The following XPNPEP1 variants were observed in gnomAD, a reference collection of about 807,000 sequenced individuals.
The protein encoded by XPNPEP1 is X-prolyl aminopeptidase 1.
Under a neutral mutation model 92.4 loss-of-function variants are expected in XPNPEP1, and 39 were observed. The ratio of observed to expected loss-of-function variants is 0.42; its 90% CI spans 0.33 to 0.55. XPNPEP1 has a LOEUF of 0.55. XPNPEP1 is among the 20% of genes least tolerant of loss of function. The pLI, the probability that XPNPEP1 is intolerant of heterozygous loss-of-function variation, is 0.08. For synonymous variants in XPNPEP1, 307 were observed against 299.4 expected (o/e 1.03, Z -0.26); for missense variants, 654 against 856.1 (o/e 0.76, Z 2.95).
intron 3 of XPNPEP1, chr10:109,894,192 T>C (rs554109270): frequency 6.6e-6 from 1 of 152,306 alleles, no homozygotes; most frequent in South Asian, 2.1e-4. Flanking sequence ...CAACATGATG[T>C]AGGGGGAAAA....
intron 3 of XPNPEP1, among the ~76,000 whole-genome samples, chr10:109,900,125 G>A (rs1849203789): frequency 6.6e-6 from 1 of 152,198 alleles, no homozygotes; most frequent in Admixed American, 6.5e-5. Context: ...AAGTCCTTGC[G>A]TAATTATGCA....
chr10:109,893,708 G>T (rs1310766898), intron 3 of XPNPEP1, among the ~76,000 whole-genome samples: 1 of 152,208 alleles, frequency 6.6e-6, no homozygotes, highest in African/African-American at 2.4e-5. Context: ...AGGGGTTAGG[G>T]AGTGAAGAAA....
chr10:109,879,247 TA>T (rs572480777), intron 12 of XPNPEP1, among the ~76,000 whole-genome samples: 7 of 130,598 alleles, frequency 5.4e-5, no homozygotes, highest in Admixed American at 1.6e-4. Context: ...GTCTCAAAAA[TA>T]AAAAAAAATA....
intron 6 of XPNPEP1, 150 bp from the exon 7 acceptor site, chr10:109,888,342 C>T: frequency 7.7e-7 from 1 of 1,298,750 alleles, no homozygotes; most frequent in Non-Finnish European, 1.0e-6. Context: ...AAAAGCACAT[C>T]TTCACCACCA....
At chr10:109,906,028 C>G (rs1293246767) in intron 3 of XPNPEP1, among the ~76,000 whole-genome samples, 2 of 152,202 alleles carry the variant, frequency 1.3e-5, no homozygotes, top group African/African-American at 4.8e-5. Flanking sequence ...TTGTCGCAAC[C>G]ATGTAGACCA....
At chr10:109,886,169 G>C (rs1335491702) in intron 8 of XPNPEP1, 77 bp downstream of exon 8, 1 of 1,451,788 alleles carries the variant, frequency 6.9e-7, no homozygotes, top group African/African-American at 1.4e-5. Context: ...AAGTTGAATG[G>C]CATGAACACA....
chr10:109,885,392 TC>T (rs2133415621), intron 8 of XPNPEP1, among the ~76,000 whole-genome samples: 1 of 152,358 alleles, frequency 6.6e-6, no homozygotes, highest in African/African-American at 2.4e-5. Flanking sequence ...ATTTTTTTTT[TC>T]TTCTTTTTAC....
At chr10:109,917,371 G>T (rs1253077088) in intron 1 of XPNPEP1, among the ~76,000 whole-genome samples, 1 of 152,022 alleles carries the variant, frequency 6.6e-6, no homozygotes, top group African/African-American at 2.4e-5. Context: ...ATTAAGAAAA[G>T]TCCATTTACA....
intron 2 of XPNPEP1, among the ~76,000 whole-genome samples, chr10:109,908,198 C>T (rs533828477): frequency 1.3e-5 from 2 of 152,250 alleles, no homozygotes; most frequent in Admixed American, 1.3e-4. Context: ...AACTATAATA[C>T]GTACAACAGT....
At chr10:109,916,290 A>G (rs1202137044) in intron 1 of XPNPEP1, among the ~76,000 whole-genome samples, 1 of 152,174 alleles carries the variant, frequency 6.6e-6, no homozygotes, top group Non-Finnish European at 1.5e-5. Context: ...CCAGGACAAC[A>G]GCAAGTGCAA....
chr10:109,886,076 T>G (rs2011674160), intron 8 of XPNPEP1, among the ~76,000 whole-genome samples, 170 bp downstream of exon 8: 1 of 152,222 alleles, frequency 6.6e-6, no homozygotes, highest in Non-Finnish European at 1.5e-5. Flanking sequence ...CAGCTCCCTG[T>G]AATTCTTTCT....
Position 109,870,621 on chromosome 10 carries a change from G to C in XPNPEP1, c.1696+110C>G, listed in dbSNP as rs1230579996. The C allele has an allele frequency of 9.3e-6, 13 of 1,398,086 alleles. No homozygotes were observed. The African/African-American group carries it at 1.9e-4, about 20-fold the overall frequency. 86.6% of individuals were successfully genotyped at this position (1,398,086 alleles called of 1,614,324 possible). On this transcript the variant is annotated intron_variant, in intron 18 of 20. Coordinates refer to ENST00000502935, the MANE Select transcript of XPNPEP1 (RefSeq NM_020383.4). ...CTATAATCAGAAAAGTTTGTTGGAAGGGAAAAGTATTGCCAATTTACTTTA... is the reference window on the plus strand; with the variant it reads ...CTATAATCAGAAAAGTTTGTTGGAACGGAAAAGTATTGCCAATTTACTTTA...
intron 1 of XPNPEP1, among the ~76,000 whole-genome samples, chr10:109,919,616 T>C (rs977741296): frequency 2.0e-5 from 3 of 152,174 alleles, no homozygotes; most frequent in Non-Finnish European, 4.4e-5. Context: ...TTATAAAAAG[T>C]TGTACACAAA....
chr10:109,901,237 A>C (rs1849271397), intron 3 of XPNPEP1, among the ~76,000 whole-genome samples: 1 of 130,570 alleles, frequency 7.7e-6, no homozygotes, highest in African/African-American at 2.9e-5. Context: ...GAACAATGGA[A>C]CATCACACAC....
chr10:109,907,917 C>T, intron 2 of XPNPEP1, 102 bp from the exon 3 acceptor site: 1 of 1,519,206 alleles, frequency 6.6e-7, no homozygotes, highest in Non-Finnish European at 8.9e-7. Context: ...ACGTTCTGCC[C>T]CACTCCCAGT....
chr10:109,880,969 G>C lies in XPNPEP1; in HGVS notation c.1042-38C>G, dbSNP rs532756925. ...GGCAGTAGGGTGGGAAATCAAACCG[G>C]CTCCACCCACCCAAGACCAAGGCAA... is the stretch of plus-strand genomic sequence containing the variant. On this transcript the variant is annotated intron_variant, in intron 10 of 20. Coordinates refer to ENST00000502935, the MANE Select transcript of XPNPEP1 (RefSeq NM_020383.4). 1.9e-6 allele frequency: 3 copies of C among 1,587,512 alleles called. No individual in the cohort carries two copies. In the Admixed American group the frequency reaches 5.1e-5, roughly 27 times the overall value.
At chr10:109,914,886 T>C (rs993364934) in intron 2 of XPNPEP1, 125 bp downstream of exon 2, 2 of 470,884 alleles carry the variant, frequency 4.2e-6, no homozygotes, top group African/African-American at 2.0e-5. Flanking sequence ...AACTTCCAGA[T>C]ACTAACCCCC....
chr10:109,890,993 A>G (rs559297626), intron 5 of XPNPEP1, among the ~76,000 whole-genome samples: 2 of 152,312 alleles, frequency 1.3e-5, no homozygotes, highest in South Asian at 4.1e-4. Flanking sequence ...CTGTTCTCCA[A>G]GTTCAAAATT....
At position 109,880,665 on chromosome 10, in the gene XPNPEP1, G is replaced by C. The variant is rs180733903; in HGVS notation, c.1131+177C>G. 4.5e-3 allele frequency among the ~76,000 whole-genome samples: 690 copies of C among 152,288 alleles called. 6 individuals carry two copies. Among genetic ancestry groups the C allele is most frequent in the African/African-American group, 0.016 (647 of 41,550 alleles). ...TGTATTGTGTATTATACTTTGTAAAGATCTAATCCATCAAGTATTTTATTT... is the reference window on the plus strand; with the variant it reads ...TGTATTGTGTATTATACTTTGTAAACATCTAATCCATCAAGTATTTTATTT... On this transcript the variant is annotated intron_variant, in intron 11 of 20. Coordinates refer to ENST00000502935, the MANE Select transcript of XPNPEP1 (RefSeq NM_020383.4).
Sources: gnomAD v4.1 joint callset for allele counts (sites outside exome capture counted in the v4.1 genomes callset) on GRCh38, gnomAD v4.1.1 for gene constraint, MANE v1.5 for transcripts, NCBI Gene and HGNC (gene_info 2026-07-23, HGNC 2026-07-21) for gene names.